UBA2: variants seen among roughly 807,000 people sequenced by gnomAD.
UBA2 encodes the protein SUMO-activating enzyme subunit 2.
In UBA2, 11 loss-of-function variants were observed where a neutral mutation model predicts 77.2. That is an observed-to-expected ratio of 0.14 (90% CI 0.09 to 0.24). The LOEUF is 0.24. Ranked by LOEUF, UBA2 falls within the 10% of genes least tolerant of loss-of-function variation. The probability of loss-of-function intolerance (pLI) is 1.00; values close to 1 mark genes in which losing one functional copy is unlikely to be tolerated. For synonymous variants in UBA2, 278 were observed against 276.7 expected, an observed-to-expected ratio of 1.00 and a Z score of -0.05; for missense variants, 487 against 781.7, an observed-to-expected ratio of 0.62 and a Z score of 4.50.
intron 16 of UBA2, among the ~76,000 whole-genome samples, chr19:34,468,272 G>A (rs147965114): frequency 2.0e-5 from 3 of 152,262 alleles, no homozygotes; most frequent in African/African-American, 4.8e-5. Context: ...TTTTGGAGAC[G>A]AACATTCAGA....
In UBA2 at chr19:34,460,589, A is replaced by G. The variant is rs763517650; in HGVS notation, c.1498+23A>G. The stretch of plus-strand genomic sequence containing the variant: ...AAGGTATCATACATTGTATTTATTC[A>G]TTCCTCTCATTGAGGAGACTGCTTG... On this transcript the variant is annotated intron_variant, in intron 14 of 16. Transcript: ENST00000246548. 1.0e-4 allele frequency: 158 copies of G among 1,519,238 alleles called. 1 individual carries two copies. The highest frequency in any genetic ancestry group is 8.2e-4 in the East Asian group (36 of 44,106). 94.1% of individuals were successfully genotyped at this position (1,519,238 alleles called of 1,614,324 possible).
intron 15 of UBA2, among the ~76,000 whole-genome samples, chr19:34,466,568 G>A (rs77247129): frequency 0.015 from 2,227 of 152,082 alleles, 24 homozygotes; most frequent in South Asian, 0.027. Context: ...GTTGTGTACC[G>A]TCTTTTTTAT....
chr19:34,447,917 C>T lies in UBA2; in HGVS notation c.772-2348C>T, dbSNP rs538526220. Among the ~76,000 whole-genome samples, 3 of 152,238 alleles carry T rather than the reference C, an allele frequency of 2.0e-5. No homozygotes were observed. The East Asian group carries it at 5.8e-4, about 29-fold the overall frequency. ...ATAGGGTACAGTATGTACAAGGAAA[C>T]TCTGAATAGGGTACAGTATGTACAA... is the stretch of plus-strand genomic sequence containing the variant. On this transcript the variant is annotated intron_variant, in intron 8 of 16. Coordinates refer to ENST00000246548, the MANE Select transcript of UBA2 (RefSeq NM_005499.3).
chr19:34,438,585 C>A, intron 5 of UBA2, 60 bp from the exon 6 acceptor site: 1 of 1,597,048 alleles, frequency 6.3e-7, no homozygotes, highest in Non-Finnish European at 8.5e-7. Context: ...TTTATATTAC[C>A]TTATAATGTT....
At chr19:34,429,222 C>T (rs1238799990) in intron 1 of UBA2, 5 of 985,264 alleles carry the variant, frequency 5.1e-6, no homozygotes, top group African/African-American at 1.7e-5. Context: ...TCACAGTAGA[C>T]GGTACACTCG....
chr19:34,446,950 C>T (rs1204232465), intron 8 of UBA2, among the ~76,000 whole-genome samples: 1 of 152,166 alleles, frequency 6.6e-6, no homozygotes, highest in African/African-American at 2.4e-5. Context: ...TTCCTCACTA[C>T]AGCCCTTTTC....
chr19:34,450,553 G>A (rs1056124682), intron 9 of UBA2, among the ~76,000 whole-genome samples, 189 bp downstream of exon 9: 2 of 152,038 alleles, frequency 1.3e-5, no homozygotes, highest in Non-Finnish European at 1.5e-5. Flanking sequence ...TTTCAGGAGT[G>A]TTCTGGTGGT....
chr19:34,455,150 G>C (rs1001067356), intron 12 of UBA2, among the ~76,000 whole-genome samples: 13 of 152,094 alleles, frequency 8.5e-5, no homozygotes, highest in African/African-American at 3.1e-4. Context: ...GGTGCTTGGG[G>C]CACTGCCAAT....
chr19:34,458,749 CTGT>C lies in UBA2; in HGVS notation c.1246-18_1246-16del, dbSNP rs1568382742. The C allele has an allele frequency of 1.2e-6, 2 of 1,601,560 alleles. No individual in the cohort carries two copies. The highest frequency in any genetic ancestry group is 1.7e-6 in the Non-Finnish European group (2 of 1,174,242). On this transcript the variant is annotated splice_polypyrimidine_tract_variant and intron_variant, in intron 12 of 16. Transcript: ENST00000246548. ...ATTACAGCACGTTTCCGATTTCTGC[CTGT>C]TATTTCTCCTCCAAAGATTTTTTTG...
At chr19:34,446,011 G>T (rs900415524) in intron 8 of UBA2, among the ~76,000 whole-genome samples, 1 of 151,944 alleles carries the variant, frequency 6.6e-6, no homozygotes, top group African/African-American at 2.4e-5. Context: ...CGTGTGTGGG[G>T]TTTTTTTGAC....
Position 34,438,711 on chromosome 19 carries a change from C to T in UBA2, c.526C>T (p.Arg176Cys). 1 of 1,614,078 alleles carries T rather than the reference C, an allele frequency of 6.2e-7. No individual in the cohort carries two copies. Among genetic ancestry groups the T allele is most frequent in the Non-Finnish European group, 8.5e-7 (1 of 1,180,026 alleles). Reference sequence around the variant, plus strand: ...GAGAACCTTTCCTGGCTGTACAATTCGTAACACACCTTCAGAACCTATACA... The same window carrying T: ...GAGAACCTTTCCTGGCTGTACAATTTGTAACACACCTTCAGAACCTATACA... ...TQRTFPGCTIRNTPSEPIHCI... is the reference protein window; with the variant it reads ...TQRTFPGCTICNTPSEPIHCI... Residue 176 changes from arginine to cysteine, a missense_variant, in exon 6 of 17, where the codon CGT becomes TGT. Coordinates refer to ENST00000246548, the MANE Select transcript of UBA2 (RefSeq NM_005499.3).
intron 1 of UBA2, 43 bp from the exon 2 acceptor site, chr19:34,430,533 T>A: frequency 2.1e-6 from 3 of 1,461,956 alleles, no homozygotes; most frequent in Non-Finnish European, 2.9e-6. Context: ...AGCTCAAACA[T>A]ACGTAAACGT....
rs2075368021 is a variant in UBA2 at position 34,441,440 on chromosome 19, GCGATAC to G, written c.582-2403_582-2398del. Among the ~76,000 whole-genome samples the G allele has an allele frequency of 2.0e-5, 3 of 151,964 alleles. No individual in the cohort carries two copies. The South Asian group carries it at 6.2e-4, about 32-fold the overall frequency. On this transcript the variant is annotated intron_variant, in intron 6 of 16. Coordinates refer to ENST00000246548, the MANE Select transcript of UBA2 (RefSeq NM_005499.3). Reference sequence around the variant, plus strand: ...ACTGCACTCCAGCCTGGGCGACAGAGCGATACTCCGTCTCAAAAAAATAAAAAATAA... The same window carrying G: ...ACTGCACTCCAGCCTGGGCGACAGAGTCCGTCTCAAAAAAATAAAAAATAA...
intron 9 of UBA2, among the ~76,000 whole-genome samples, chr19:34,450,897 G>A (rs527546131): frequency 1.5e-4 from 23 of 151,740 alleles, no homozygotes; most frequent in African/African-American, 4.6e-4. Flanking sequence ...GAGCCACTGC[G>A]CCTAGCCTAT....
chr19:34,448,502 G>A (rs1018670364), intron 8 of UBA2, among the ~76,000 whole-genome samples: 7 of 152,130 alleles, frequency 4.6e-5, no homozygotes, highest in Admixed American at 4.6e-4. Context: ...GGCTGGGACA[G>A]GAATATCACT....
intron 12 of UBA2, among the ~76,000 whole-genome samples, chr19:34,455,424 A>G (rs1013977239): frequency 2.0e-5 from 3 of 152,176 alleles, no homozygotes; most frequent in Admixed American, 6.5e-5. Context: ...CACTACTTGG[A>G]TGTTCTCTTT....
At chr19:34,436,243 A>G (rs1390869390) in intron 5 of UBA2, among the ~76,000 whole-genome samples, 1 of 152,182 alleles carries the variant, frequency 6.6e-6, no homozygotes, top group African/African-American at 2.4e-5. Flanking sequence ...CAACTAGAGA[A>G]TAATAGAACA....
At chr19:34,428,670 G>T in intron 1 of UBA2, 100 bp downstream of exon 1, 1 of 798,244 alleles carries the variant, frequency 1.3e-6, no homozygotes. Context: ...AGGGCCCGGA[G>T]CCCGGGACCG....
At chr19:34,434,426 C>T (rs537041879) in intron 4 of UBA2, among the ~76,000 whole-genome samples, 1 of 152,318 alleles carries the variant, frequency 6.6e-6, no homozygotes, top group African/African-American at 2.4e-5. Context: ...TGAAATTACT[C>T]TCTTAACCTG....
Sources: gnomAD v4.1 joint callset for allele counts (sites outside exome capture counted in the v4.1 genomes callset) on GRCh38, gnomAD v4.1.1 for gene constraint, MANE v1.5 for transcripts, NCBI Gene and HGNC (gene_info 2026-07-23, HGNC 2026-07-21) for gene names.